NFILZ: variants seen among roughly 807,000 people sequenced by gnomAD.
NFILZ encodes the protein NFIL3 like protein.
chr19:8,662,559 G>A (rs2043036709), intron 3 of NFILZ, among the ~76,000 whole-genome samples: 1 of 152,058 alleles, frequency 6.6e-6, no homozygotes, highest in East Asian at 1.9e-4. Flanking sequence ...AGGGGATGTT[G>A]CAGTTGTCCA....
intron 4 of NFILZ, among the ~76,000 whole-genome samples, chr19:8,674,826 G>C (rs2043103859): frequency 6.6e-6 from 1 of 152,146 alleles, no homozygotes; most frequent in African/African-American, 2.4e-5. Flanking sequence ...GTCAAGGGCT[G>C]TTAGTGAAGA....
intron 3 of NFILZ, among the ~76,000 whole-genome samples, chr19:8,636,114 G>A (rs2042893111): frequency 6.6e-6 from 1 of 151,970 alleles, no homozygotes; most frequent in African/African-American, 2.4e-5. Flanking sequence ...TGGTATTACA[G>A]GCATGAGCCA....
chr19:8,653,039 TCTC>T (rs1488075753), intron 3 of NFILZ, among the ~76,000 whole-genome samples: 1 of 77,396 alleles, frequency 1.3e-5, no homozygotes, highest in African/African-American at 5.7e-5. Context: ...TTTCTTTCTT[TCTC>T]TCTCTCTCTC....
chr19:8,669,412 G>A (rs1389139094), intron 3 of NFILZ, among the ~76,000 whole-genome samples: 1 of 152,252 alleles, frequency 6.6e-6, no homozygotes, highest in East Asian at 1.9e-4. Context: ...GCTCATAGAG[G>A]TGACCTGACT....
At chr19:8,660,426 C>T (rs1410432700) in intron 3 of NFILZ, among the ~76,000 whole-genome samples, 2 of 151,692 alleles carry the variant, frequency 1.3e-5, no homozygotes, top group African/African-American at 2.4e-5. Flanking sequence ...ATACGACCAT[C>T]GGTAATGATA....
At chr19:8,659,204 C>T (rs1379145863) in intron 3 of NFILZ, among the ~76,000 whole-genome samples, 2 of 151,740 alleles carry the variant, frequency 1.3e-5, no homozygotes, top group African/African-American at 4.8e-5. Context: ...GCCGAGATCA[C>T]ACCAGGGCAC....
At chr19:8,658,887 C>T (rs1403766686) in intron 3 of NFILZ, among the ~76,000 whole-genome samples, 3 of 152,042 alleles carry the variant, frequency 2.0e-5, no homozygotes. Flanking sequence ...GAGGTCGAGG[C>T]TGCAGTGAGG....
chr19:8,672,726 TTAAA>T (rs1482013575), intron 3 of NFILZ, among the ~76,000 whole-genome samples: 1 of 152,202 alleles, frequency 6.6e-6, no homozygotes, highest in Non-Finnish European at 1.5e-5. Flanking sequence ...TATTTATGCA[TTAAA>T]TAGTTTATTT....
intron 3 of NFILZ, among the ~76,000 whole-genome samples, chr19:8,650,597 C>T (rs1331472735): frequency 2.0e-5 from 3 of 147,236 alleles, no homozygotes; most frequent in African/African-American, 7.6e-5. Context: ...GAGGTTACAG[C>T]GAGCAAAGAT....
chr19:8,679,963 G>A lies in NFILZ; in HGVS notation c.*2328G>A, dbSNP rs1252770029. On this transcript the variant is annotated 3_prime_UTR_variant, in exon 6 of 6. Coordinates refer to ENST00000691075, the MANE Select transcript of NFILZ (RefSeq NM_001378600.1). The stretch of plus-strand genomic sequence containing the variant: ...AATCCTAGCACTTTGGGAGGCCAAG[G>A]CAGATGGATCTCACTTGAGGTCAGG... Among the ~76,000 whole-genome samples the A allele has an allele frequency of 1.3e-5, 2 of 152,050 alleles. No homozygotes were observed. The highest frequency in any genetic ancestry group is 1.9e-4 in the East Asian group (1 of 5,180).
At chr19:8,642,925 G>A (rs936262044) in intron 3 of NFILZ, among the ~76,000 whole-genome samples, 4 of 148,880 alleles carry the variant, frequency 2.7e-5, no homozygotes, top group South Asian at 2.1e-4. Flanking sequence ...GTGTTGAATC[G>A]TCAGTTTCAA....
intron 3 of NFILZ, among the ~76,000 whole-genome samples, chr19:8,661,343 T>A (rs2043031274): frequency 6.6e-6 from 1 of 151,594 alleles, no homozygotes; most frequent in Admixed American, 6.6e-5. Context: ...TTTGTATTTT[T>A]TGTAGAGATG....
intron 3 of NFILZ, among the ~76,000 whole-genome samples, chr19:8,639,775 A>G (rs2042911016): frequency 6.6e-6 from 1 of 152,178 alleles, no homozygotes; most frequent in Non-Finnish European, 1.5e-5. Flanking sequence ...CATATACCAC[A>G]CATGGGGTAA....
intron 3 of NFILZ, among the ~76,000 whole-genome samples, chr19:8,642,044 G>A (rs975085854): frequency 6.6e-6 from 1 of 152,038 alleles, no homozygotes; most frequent in Non-Finnish European, 1.5e-5. Context: ...GTCTTGCTAT[G>A]TTGGCCAGGC....
chr19:8,657,641 C>T (rs1234524112), intron 3 of NFILZ, among the ~76,000 whole-genome samples: 1 of 152,138 alleles, frequency 6.6e-6, no homozygotes, highest in Non-Finnish European at 1.5e-5. Flanking sequence ...CACTGTAAAT[C>T]TCTCTCCGTC....
chr19:8,653,200 C>G (rs1247703025), intron 3 of NFILZ, among the ~76,000 whole-genome samples: 1 of 151,732 alleles, frequency 6.6e-6, no homozygotes, highest in African/African-American at 2.4e-5. Context: ...CCTGCCTCAG[C>G]CTCCCAAGTA....
At chr19:8,657,141 A>G (rs2043007970) in intron 3 of NFILZ, among the ~76,000 whole-genome samples, 1 of 148,038 alleles carries the variant, frequency 6.8e-6, no homozygotes, top group African/African-American at 2.5e-5. Context: ...ATCTGTGGAG[A>G]TTGGCGATTG....
rs150955318 is a variant in NFILZ, at chr19:8,661,591, T to G, written c.-163-12960T>G. ...TCCACAAATATCTGCAATTATTATTTGTCAATTAAAAATAAGAAACCAGGG... is the reference window on the plus strand; with the variant it reads ...TCCACAAATATCTGCAATTATTATTGGTCAATTAAAAATAAGAAACCAGGG... On this transcript the variant is annotated intron_variant, in intron 3 of 5. Coordinates refer to ENST00000691075, the MANE Select transcript of NFILZ (RefSeq NM_001378600.1). 3.5e-3 allele frequency among the ~76,000 whole-genome samples: 529 copies of G among 152,250 alleles called. 4 individuals are homozygous for G. Among genetic ancestry groups the G allele is most frequent in the African/African-American group, 0.012 (489 of 41,540 alleles).
In NFILZ at chr19:8,655,485, C is replaced by T. The variant is rs563508544; in HGVS notation, c.-163-19066C>T. On this transcript the variant is annotated intron_variant, in intron 3 of 5. Transcript: ENST00000691075. ...GGGCAGACACCAGGTGCGGGGACAC[C>T]CCTGGAGGGAAAGCCACAAGCTTCA... Among the ~76,000 whole-genome samples, 22 of 152,292 alleles carry T rather than the reference C, an allele frequency of 1.4e-4. No individual in the cohort carries two copies. In the South Asian group the frequency reaches 4.4e-3, roughly 30 times the overall value.
Sources: allele counts gnomAD v4.1 joint callset (sites outside exome capture counted in the v4.1 genomes callset), GRCh38; gene constraint gnomAD v4.1.1; transcripts MANE v1.5; gene names NCBI Gene and HGNC (gene_info 2026-07-23, HGNC 2026-07-21).